The following ANOS1 variants were observed in gnomAD, a reference collection of about 807,000 sequenced individuals.
The protein encoded by ANOS1 is anosmin 1, also known as anosmin-1.
In ANOS1, 6 loss-of-function variants were observed where a neutral mutation model predicts 59.0. That is an observed-to-expected ratio of 0.10 (90% CI 0.06 to 0.20). ANOS1 has a LOEUF of 0.20. Ranked by LOEUF, ANOS1 falls within the 10% of genes least tolerant of loss-of-function variation. ANOS1 has a pLI of 1.00. For synonymous variants in ANOS1, 217 were observed against 223.4 expected (o/e 0.97, Z 0.25); for missense variants, 433 against 542.3 (o/e 0.80, Z 2.00).
intron 3 of ANOS1, among the ~76,000 whole-genome samples, chrX:8,615,586 A>G (rs1601980614): frequency 9.1e-6 from 1 of 109,885 alleles, no homozygotes; most frequent in African/African-American, 3.3e-5. Context: ...AAAATTGTCT[A>G]TGTGTCAGTC....
chrX:8,568,107 T>C (rs1930151839), intron 8 of ANOS1, 125 bp downstream of exon 8: 2 of 666,807 alleles, frequency 3.0e-6, no homozygotes, highest in South Asian at 2.4e-5. Flanking sequence ...CACATGCATG[T>C]GGGTAAGAAG....
intron 8 of ANOS1, among the ~76,000 whole-genome samples, chrX:8,554,966 C>T (rs1929926406): frequency 9.0e-6 from 1 of 110,819 alleles, no homozygotes; most frequent in South Asian, 3.8e-4. Flanking sequence ...TAAAATTGAC[C>T]ATGTAATTGG....
At chrX:8,631,714 G>C (rs1931492102) in intron 2 of ANOS1, among the ~76,000 whole-genome samples, 1 of 111,578 alleles carries the variant, frequency 9.0e-6, no homozygotes, top group Non-Finnish European at 1.9e-5. Flanking sequence ...ATTGATCAAG[G>C]TCCCAGAGAC....
chrX:8,661,152 C>T (rs1932030924), intron 2 of ANOS1, among the ~76,000 whole-genome samples: 1 of 110,831 alleles, frequency 9.0e-6, no homozygotes, highest in South Asian at 3.9e-4. Flanking sequence ...CTCATGTGGT[C>T]GACCCTCTGT....
chrX:8,546,109 G>A (rs770466859), intron 9 of ANOS1, among the ~76,000 whole-genome samples: 11 of 111,795 alleles, frequency 9.8e-5, no homozygotes, highest in Non-Finnish European at 1.9e-4. Flanking sequence ...TTCACATTCC[G>A]TACAGTGCTC....
intron 3 of ANOS1, among the ~76,000 whole-genome samples, chrX:8,620,358 T>G (rs768193898): frequency 8.9e-6 from 1 of 112,139 alleles, no homozygotes; most frequent in South Asian, 3.7e-4. Context: ...AAGCTCAGAC[T>G]GCCCTGCAGG....
At chrX:8,562,221 G>A (rs1239092994) in intron 8 of ANOS1, among the ~76,000 whole-genome samples, 2 of 110,060 alleles carry the variant, frequency 1.8e-5, no homozygotes, top group African/African-American at 6.9e-5. Context: ...GATTACAGGC[G>A]TGAGCTACCG....
At chrX:8,716,816 G>T (rs1423134710) in intron 1 of ANOS1, among the ~76,000 whole-genome samples, 2 of 112,216 alleles carry the variant, frequency 1.8e-5, no homozygotes, top group African/African-American at 6.5e-5. Context: ...GCCATGTCAT[G>T]ACTGCCAGGA....
At chrX:8,717,462 G>A (rs1932848098) in intron 1 of ANOS1, among the ~76,000 whole-genome samples, 1 of 110,309 alleles carries the variant, frequency 9.1e-6, no homozygotes, top group South Asian at 3.8e-4. Context: ...TCATAACTCC[G>A]GATACAAAAA....
chrX:8,662,406 C>T (rs183254950), intron 2 of ANOS1, among the ~76,000 whole-genome samples: 15 of 111,768 alleles, frequency 1.3e-4, no homozygotes, highest in Admixed American at 1.9e-4. Context: ...TTTTCATCTT[C>T]GCGGGCCATG....
intron 8 of ANOS1, among the ~76,000 whole-genome samples, chrX:8,567,208 A>G (rs1005603750): frequency 1.8e-5 from 2 of 112,185 alleles, no homozygotes; most frequent in African/African-American, 6.5e-5. Flanking sequence ...TGTTTTGCTC[A>G]GTTCCCAGCA....
chrX:8,616,850 A>G (rs1421830635), intron 3 of ANOS1, among the ~76,000 whole-genome samples: 1 of 111,872 alleles, frequency 8.9e-6, no homozygotes, highest in African/African-American at 3.3e-5. Flanking sequence ...CCCACTAGAC[A>G]CACTACTGCA....
chrX:8,705,593 G>A (rs933313047), intron 1 of ANOS1, among the ~76,000 whole-genome samples: 4 of 111,435 alleles, frequency 3.6e-5, no homozygotes, highest in African/African-American at 1.3e-4. Flanking sequence ...TAGGCCAGAT[G>A]CTACCCCATC....
chrX:8,618,387 G>A (rs890529132), intron 3 of ANOS1, among the ~76,000 whole-genome samples: 3 of 111,704 alleles, frequency 2.7e-5, no homozygotes, highest in African/African-American at 9.8e-5. Context: ...ACGTTAACAG[G>A]TACTGCATAC....
chrX:8,597,007 C>G, intron 4 of ANOS1, 27 bp downstream of exon 4: 1 of 1,211,036 alleles, frequency 8.3e-7, no homozygotes, highest in Non-Finnish European at 1.1e-6. Flanking sequence ...CTGCATGTGT[C>G]TTCACACCCC....
At chrX:8,534,268 T>C in intron 13 of ANOS1, 51 bp downstream of exon 13, 1 of 1,169,199 alleles carries the variant, frequency 8.6e-7, no homozygotes. Context: ...GATTTTTCTC[T>C]ATGTCCACAA....
chrX:8,723,657 G>A (rs1932891096), intron 1 of ANOS1, among the ~76,000 whole-genome samples: 2 of 111,776 alleles, frequency 1.8e-5, no homozygotes. Context: ...TTACCATCAG[G>A]GAAAATGTCT....
chrX:8,635,261 C>T (rs762732827), intron 2 of ANOS1, among the ~76,000 whole-genome samples: 12 of 111,498 alleles, frequency 1.1e-4, no homozygotes, highest in African/African-American at 3.6e-4. Flanking sequence ...TTCCTCACAA[C>T]GAAGATAGGA....
At chrX:8,582,430 G>T (rs762442679) in intron 6 of ANOS1, among the ~76,000 whole-genome samples, 3 of 111,650 alleles carry the variant, frequency 2.7e-5, no homozygotes, top group African/African-American at 9.8e-5. Flanking sequence ...GAACACAGAG[G>T]AGCCTAGCAT....
Sources: gnomAD v4.1 joint callset for allele counts (sites outside exome capture counted in the v4.1 genomes callset) on GRCh38, gnomAD v4.1.1 for gene constraint, MANE v1.5 for transcripts, NCBI Gene and HGNC (gene_info 2026-07-23, HGNC 2026-07-21) for gene names.